The following DPP10 variants were observed in gnomAD, a reference collection of about 807,000 sequenced individuals.
DPP10 encodes the protein inactive dipeptidyl peptidase 10.
In DPP10, 33 loss-of-function variants were observed where a neutral mutation model predicts 120.9. The observed-to-expected ratio is 0.27, with a 90% CI of 0.21 to 0.37. The LOEUF (loss-of-function observed/expected upper bound fraction) is 0.37. Among genes scored for constraint, DPP10 ranks in the 10% least tolerant of loss-of-function variants. The probability of loss-of-function intolerance (pLI) is 1.00; values close to 1 mark genes in which losing one functional copy is unlikely to be tolerated. For missense variants in DPP10, 816 were observed against 942.8 expected (o/e 0.87, Z 1.76); for synonymous variants, 337 against 326.1 (o/e 1.03, Z -0.36).
chr2:115,815,649 A>G lies in DPP10; in HGVS notation c.1896-26A>G, dbSNP rs138586784. ...TTTGCATTTAACTCACAAAGATATA[A>G]CTATTGTTTTTCGTTTTCATTGCAG... On this transcript the variant is annotated intron_variant, in intron 20 of 25. Coordinates refer to ENST00000410059, the MANE Select transcript of DPP10 (RefSeq NM_020868.6). 180 of 1,589,906 alleles carry G rather than the reference A, an allele frequency of 1.1e-4. 3 individuals carry two copies. In the African/African-American group the frequency reaches 2.0e-3, roughly 18 times the overall value.
At chr2:114,814,062 A>G (rs1243148025) in intron 1 of DPP10, among the ~76,000 whole-genome samples, 1 of 152,138 alleles carries the variant, frequency 6.6e-6, no homozygotes, top group Non-Finnish European at 1.5e-5. Context: ...CAGATAATCA[A>G]TATTTATCGA....
rs34462965 is a variant in DPP10, at chr2:115,154,892, CT to C, written c.61-154330del. On this transcript the variant is annotated intron_variant, in intron 1 of 25. Coordinates refer to ENST00000410059, the MANE Select transcript of DPP10 (RefSeq NM_020868.6). ...TAAAAAAATTGCGGTTTTGCCATTA[CT>C]TTTTTTTTTTTTTTTTGAGACAGAA... 2.9e-3 allele frequency among the ~76,000 whole-genome samples: 391 copies of C among 136,448 alleles called. 1 individual carries two copies. Among genetic ancestry groups the C allele is most frequent in the Middle Eastern group, 4.0e-3 (1 of 250 alleles). 89.5% of individuals were successfully genotyped at this position (136,448 alleles called of 152,430 possible).
At chr2:114,890,765 C>A (rs1193559023) in intron 1 of DPP10, among the ~76,000 whole-genome samples, 4 of 152,178 alleles carry the variant, frequency 2.6e-5, no homozygotes, top group Non-Finnish European at 5.9e-5. Flanking sequence ...CTTCATCTAT[C>A]CTATTTATTG....
chr2:115,529,804 G>A (rs2078353134), intron 5 of DPP10, among the ~76,000 whole-genome samples: 1 of 152,064 alleles, frequency 6.6e-6, no homozygotes, highest in African/African-American at 2.4e-5. Flanking sequence ...AAGTAAAACT[G>A]TTTTAGGTTA....
chr2:115,330,969 A>G (rs1488814421), intron 2 of DPP10, among the ~76,000 whole-genome samples: 1 of 152,156 alleles, frequency 6.6e-6, no homozygotes, highest in Non-Finnish European at 1.5e-5. Flanking sequence ...GAAGAAAGTC[A>G]TTGGTAACTT....
intron 8 of DPP10, among the ~76,000 whole-genome samples, chr2:115,731,536 A>G (rs868860911): frequency 2.6e-5 from 4 of 152,196 alleles, no homozygotes; most frequent in African/African-American, 9.6e-5. Context: ...CAAAAGAAAA[A>G]ATTTAAAAAA....
chr2:115,232,988 T>C (rs1323141312), intron 1 of DPP10, among the ~76,000 whole-genome samples: 2 of 152,066 alleles, frequency 1.3e-5, no homozygotes, highest in African/African-American at 2.4e-5. Context: ...AGGACTAGAG[T>C]TGAGAACTAA....
At chr2:115,458,145 C>T (rs2073729903) in intron 3 of DPP10, among the ~76,000 whole-genome samples, 2 of 152,094 alleles carry the variant, frequency 1.3e-5, no homozygotes, top group Non-Finnish European at 2.9e-5. Flanking sequence ...TTGAATTTTA[C>T]CTATACAATG....
At chr2:114,959,704 T>C (rs897344894) in intron 1 of DPP10, among the ~76,000 whole-genome samples, 3 of 152,234 alleles carry the variant, frequency 2.0e-5, no homozygotes, top group South Asian at 2.1e-4. Context: ...GAGCATTCCA[T>C]GTTCTCCACA....
intron 3 of DPP10, among the ~76,000 whole-genome samples, chr2:115,425,577 CTT>C (rs2070379287): frequency 6.6e-6 from 1 of 152,046 alleles, no homozygotes; most frequent in Non-Finnish European, 1.5e-5. Flanking sequence ...TTAGGTAACT[CTT>C]TATAATAGAA....
intron 1 of DPP10, among the ~76,000 whole-genome samples, chr2:115,267,166 G>A (rs917220349): frequency 1.3e-5 from 2 of 152,112 alleles, no homozygotes; most frequent in African/African-American, 4.8e-5. Context: ...TTGTTCTTGT[G>A]TCTTCTAGAT....
At chr2:115,021,724 A>G (rs899976354) in intron 1 of DPP10, among the ~76,000 whole-genome samples, 1 of 152,022 alleles carries the variant, frequency 6.6e-6, no homozygotes, top group Non-Finnish European at 1.5e-5. Flanking sequence ...AAAACTTCAG[A>G]CCAATATCAC....
chr2:115,448,833 A>G (rs1011707798), intron 3 of DPP10, among the ~76,000 whole-genome samples: 3 of 152,086 alleles, frequency 2.0e-5, no homozygotes, highest in Admixed American at 2.0e-4. Context: ...ATTGTTTGAA[A>G]AAGTTCTCCC....
chr2:115,336,870 T>C (rs7569681), intron 2 of DPP10, among the ~76,000 whole-genome samples: 16,627 of 151,994 alleles, frequency 0.11, 1,089 homozygotes, highest in African/African-American at 0.18. Context: ...GTGTGAGTGA[T>C]TGAGATGAAT....
chr2:115,562,177 A>G lies in DPP10; in HGVS notation c.441+36205A>G, dbSNP rs555426116. 3.7e-4 allele frequency among the ~76,000 whole-genome samples: 57 copies of G among 152,314 alleles called. 2 individuals are homozygous for G. In the South Asian group the frequency reaches 0.011, roughly 30 times the overall value. ...TTGAAGCTCAAAGTCATCGGGCTGT[A>G]CAAATCCTTCCCCCTTTTCATTGTT... On this transcript the variant is annotated intron_variant, in intron 5 of 25. Transcript: ENST00000410059.
intron 5 of DPP10, among the ~76,000 whole-genome samples, chr2:115,581,715 T>C (rs370557317): frequency 3.9e-5 from 6 of 152,216 alleles, no homozygotes; most frequent in South Asian, 2.1e-4. Context: ...CCCTGGTCAT[T>C]TGGGGACAGA....
intron 7 of DPP10, among the ~76,000 whole-genome samples, chr2:115,704,851 A>T (rs940845468): frequency 1.3e-5 from 2 of 151,956 alleles, no homozygotes; most frequent in Non-Finnish European, 2.9e-5. Context: ...TATCTTATAA[A>T]CCTAATTAAT....
In DPP10 at chr2:115,379,478, T is replaced by A. The variant is rs189824198; in HGVS notation, c.271+35566T>A. ...ATTAGTCTTGCTAGCGGTCTGTCAA[T>A]TTTGTTGATCCTTTCAAAAAACCAG... On this transcript the variant is annotated intron_variant, in intron 3 of 25. Coordinates refer to ENST00000410059, the MANE Select transcript of DPP10 (RefSeq NM_020868.6). Among the ~76,000 whole-genome samples, 157 of 152,270 alleles carry A rather than the reference T, an allele frequency of 1.0e-3. No homozygotes were observed. The Middle Eastern group carries it at 0.014, about 13-fold the overall frequency.
At chr2:114,696,914 T>C (rs1349999662) in intron 1 of DPP10, among the ~76,000 whole-genome samples, 1 of 152,092 alleles carries the variant, frequency 6.6e-6, no homozygotes, top group South Asian at 2.1e-4. Flanking sequence ...CGAGCATTAA[T>C]TTCTACAATG....
Sources: allele counts gnomAD v4.1 joint callset (sites outside exome capture counted in the v4.1 genomes callset), GRCh38; gene constraint gnomAD v4.1.1; transcripts MANE v1.5; gene names NCBI Gene and HGNC (gene_info 2026-07-23, HGNC 2026-07-21).